UBE3D: variants seen among roughly 807,000 people sequenced by gnomAD.
The protein encoded by UBE3D is E3 ubiquitin-protein ligase E3D.
UBE3D carries 48 observed loss-of-function variants against 49.6 expected under a neutral mutation model. That is an observed-to-expected ratio of 0.97 (90% CI 0.77 to 1.23). UBE3D has a LOEUF of 1.23. Among genes scored for constraint, UBE3D ranks in the 50% most tolerant of loss-of-function variants. The probability of loss-of-function intolerance (pLI) is 0.00; values close to 1 mark genes in which losing one functional copy is unlikely to be tolerated. For synonymous variants in UBE3D, 189 were observed against 174.2 expected (o/e 1.08, Z -0.67); for missense variants, 452 against 468.4 (o/e 0.96, Z 0.32).
chr6:82,934,675 A>C (rs1264317016), intron 9 of UBE3D, among the ~76,000 whole-genome samples: 1 of 151,970 alleles, frequency 6.6e-6, no homozygotes, highest in Non-Finnish European at 1.5e-5. Context: ...AAAATTAACA[A>C]GTAGAAGAAT....
At chr6:83,025,876 C>T (rs1781420621) in intron 5 of UBE3D, among the ~76,000 whole-genome samples, 1 of 116,374 alleles carries the variant, frequency 8.6e-6, no homozygotes, top group African/African-American at 3.4e-5. Flanking sequence ...GAACGTGACT[C>T]CATCTTAAAA....
chr6:82,920,942 ATTTT>A (rs377206246), intron 9 of UBE3D, among the ~76,000 whole-genome samples: 2 of 136,790 alleles, frequency 1.5e-5, no homozygotes, highest in Non-Finnish European at 1.5e-5. Flanking sequence ...AAAAATGCTG[ATTTT>A]TTTTTTTTTT....
At chr6:83,035,093 A>T (rs577600996) in intron 5 of UBE3D, among the ~76,000 whole-genome samples, 15 of 151,662 alleles carry the variant, frequency 9.9e-5, no homozygotes, top group Non-Finnish European at 1.8e-4. Flanking sequence ...AGATGGGAGG[A>T]TCACTTGAGC....
intron 8 of UBE3D, among the ~76,000 whole-genome samples, chr6:82,995,186 G>A (rs1779152587): frequency 6.6e-6 from 1 of 152,174 alleles, no homozygotes; most frequent in Non-Finnish European, 1.5e-5. Context: ...ACACTTCCAA[G>A]AAGAAACCAT....
chr6:83,008,235 G>A (rs1358930830), intron 8 of UBE3D, among the ~76,000 whole-genome samples: 1 of 152,132 alleles, frequency 6.6e-6, no homozygotes, highest in Non-Finnish European at 1.5e-5. Flanking sequence ...AATGTCTCCA[G>A]ACATTGCCAA....
At chr6:82,960,950 A>C (rs1054112735) in intron 8 of UBE3D, among the ~76,000 whole-genome samples, 1 of 152,154 alleles carries the variant, frequency 6.6e-6, no homozygotes, top group Non-Finnish European at 1.5e-5. Context: ...GAATTTTTTT[A>C]AAAAGTGTGG....
At chr6:82,942,055 G>A (rs113427461) in intron 9 of UBE3D, among the ~76,000 whole-genome samples, 4,605 of 152,262 alleles carry the variant, frequency 0.03, 99 homozygotes, top group Non-Finnish European at 0.046. Context: ...AGGGCTCAGA[G>A]GAAGACAGGA....
intron 9 of UBE3D, among the ~76,000 whole-genome samples, chr6:82,943,180 C>A (rs1054251614): frequency 6.6e-6 from 1 of 152,182 alleles, no homozygotes; most frequent in Admixed American, 6.5e-5. Flanking sequence ...TTTGTTTTGG[C>A]CAATTTCTCC....
At chr6:82,901,581 C>T (rs888192349) in intron 9 of UBE3D, among the ~76,000 whole-genome samples, 4 of 152,122 alleles carry the variant, frequency 2.6e-5, no homozygotes, top group African/African-American at 9.7e-5. Flanking sequence ...TATAGCTGAG[C>T]AAACCATCCT....
chr6:82,932,288 T>C (rs1315402173), intron 9 of UBE3D, among the ~76,000 whole-genome samples: 1 of 152,196 alleles, frequency 6.6e-6, no homozygotes, highest in East Asian at 1.9e-4. Flanking sequence ...CTGGAAACAA[T>C]GCTTGGGAAG....
intron 8 of UBE3D, among the ~76,000 whole-genome samples, chr6:82,962,916 G>C (rs1389500971): frequency 6.6e-6 from 1 of 152,078 alleles, no homozygotes; most frequent in African/African-American, 2.4e-5. Context: ...TTTGAAATTA[G>C]ACAAACTAGC....
chr6:82,900,632 T>C (rs978257620), intron 9 of UBE3D, among the ~76,000 whole-genome samples: 2 of 152,162 alleles, frequency 1.3e-5, no homozygotes, highest in Non-Finnish European at 2.9e-5. Context: ...AAATAGCTTG[T>C]AAGGTTGCGA....
intron 8 of UBE3D, among the ~76,000 whole-genome samples, chr6:82,987,438 G>A (rs917882684): frequency 2.0e-5 from 3 of 152,098 alleles, no homozygotes; most frequent in African/African-American, 7.2e-5. Context: ...TCCAATTCCT[G>A]TGCCTCTAAT....
intron 8 of UBE3D, among the ~76,000 whole-genome samples, chr6:82,964,068 GCCAGATGAC>G (rs1298279974): frequency 6.6e-6 from 1 of 152,178 alleles, no homozygotes; most frequent in African/African-American, 2.4e-5. Context: ...AGAACTGTCA[GCCAGATGAC>G]CTTAGTCTAA....
intron 9 of UBE3D, among the ~76,000 whole-genome samples, chr6:82,922,869 A>C (rs1463914873): frequency 6.6e-6 from 1 of 152,232 alleles, no homozygotes; most frequent in Non-Finnish European, 1.5e-5. Context: ...CAAATTTACA[A>C]GAAACAACCC....
chr6:83,031,032 G>A lies in UBE3D; in HGVS notation c.668-6994C>T, dbSNP rs1289016297. Among the ~76,000 whole-genome samples the A allele has an allele frequency of 9.2e-5, 14 of 151,742 alleles. No individual in the cohort carries two copies. In the South Asian group the frequency reaches 2.1e-3, roughly 23 times the overall value. On this transcript the variant is annotated intron_variant, in intron 5 of 9. Coordinates refer to ENST00000369747, the MANE Select transcript of UBE3D (RefSeq NM_198920.3). ...AATTTCTTCCTTTTTTTTTGAAACCGGGTCTCATTCTGTTGCCCAGGCTGG... is the reference window on the plus strand; with the variant it reads ...AATTTCTTCCTTTTTTTTTGAAACCAGGTCTCATTCTGTTGCCCAGGCTGG...
intron 9 of UBE3D, among the ~76,000 whole-genome samples, chr6:82,904,214 C>T (rs777257748): frequency 6.6e-6 from 1 of 151,850 alleles, no homozygotes; most frequent in Non-Finnish European, 1.5e-5. Flanking sequence ...CATAATGAAC[C>T]AATTTTTTAT....
At chr6:82,972,825 A>G (rs1777448418) in intron 8 of UBE3D, among the ~76,000 whole-genome samples, 1 of 152,184 alleles carries the variant, frequency 6.6e-6, no homozygotes, top group African/African-American at 2.4e-5. Context: ...CAAAAATTAT[A>G]TTTTTAAAAA....
Position 83,065,742 on chromosome 6 carries a change from G to C in UBE3D, c.-24C>G, listed in dbSNP as rs771321105. 61 of 1,599,960 alleles carry C rather than the reference G, an allele frequency of 3.8e-5. No individual in the cohort carries two copies. Among genetic ancestry groups the C allele is most frequent in the South Asian group, 2.0e-4 (18 of 89,024 alleles). On this transcript the variant is annotated 5_prime_UTR_variant, in exon 1 of 10. Coordinates refer to ENST00000369747, the MANE Select transcript of UBE3D (RefSeq NM_198920.3). Reference sequence around the variant, plus strand: ...ATGGCAGGCTTCCAGTCCCAGACCGGACCAAGCTGGAGGTTCCGAGGGGCC... The same window carrying C: ...ATGGCAGGCTTCCAGTCCCAGACCGCACCAAGCTGGAGGTTCCGAGGGGCC...
Sources: gnomAD v4.1 joint callset for allele counts (sites outside exome capture counted in the v4.1 genomes callset) on GRCh38, gnomAD v4.1.1 for gene constraint, MANE v1.5 for transcripts, NCBI Gene and HGNC (gene_info 2026-07-23, HGNC 2026-07-21) for gene names.